ZC3H3: variants seen among roughly 807,000 people sequenced by gnomAD.
ZC3H3 encodes zinc finger CCCH-type containing 3.
Under a neutral mutation model 77.3 loss-of-function variants are expected in ZC3H3, and 36 were observed. The ratio of observed to expected loss-of-function variants is 0.47; its 90% CI spans 0.36 to 0.61. The LOEUF is 0.61. Ranked by LOEUF, ZC3H3 falls within the 20% of genes least tolerant of loss-of-function variation. The probability of loss-of-function intolerance (pLI) is 0.00; values close to 1 mark genes in which losing one functional copy is unlikely to be tolerated. For missense variants in ZC3H3, 1,331 were observed against 1,312.2 expected (o/e 1.01, Z -0.22); for synonymous variants, 626 against 555.2 (o/e 1.13, Z -1.79).
chr8:143,440,605 G>A (rs1040231509), intron 10 of ZC3H3, among the ~76,000 whole-genome samples: 2 of 152,160 alleles, frequency 1.3e-5, no homozygotes, highest in Admixed American at 1.3e-4. Context: ...TCTCCATGGG[G>A]CTCCACACCC....
chr8:143,538,752 C>G lies in ZC3H3; in HGVS notation c.615G>C (p.Val205=). Residue 205 remains valine, a synonymous_variant, in exon 2 of 12, where the codon GTG becomes GTC. Coordinates refer to ENST00000262577, the MANE Select transcript of ZC3H3 (RefSeq NM_015117.3). ...CCCGGGGGCTGTCGCCCACACTGCCCACTGACTTCACCATCCTGGGCTTAC... is the reference window on the plus strand; with the variant it reads ...CCCGGGGGCTGTCGCCCACACTGCCGACTGACTTCACCATCCTGGGCTTAC... ...EPGKPRMVKS[V]GSVGDSPREP... 2.5e-6 allele frequency: 4 copies of G among 1,611,244 alleles called. No homozygotes were observed. Among genetic ancestry groups the G allele is most frequent in the Non-Finnish European group, 3.4e-6 (4 of 1,179,834 alleles).
chr8:143,507,389 C>T (rs543055394), intron 4 of ZC3H3, among the ~76,000 whole-genome samples: 1 of 152,230 alleles, frequency 6.6e-6, no homozygotes, highest in South Asian at 2.1e-4. Flanking sequence ...AGCTTCTCCC[C>T]GAGAGATGCT....
At chr8:143,535,146 C>T (rs1441307870) in intron 3 of ZC3H3, among the ~76,000 whole-genome samples, 2 of 152,080 alleles carry the variant, frequency 1.3e-5, no homozygotes, top group South Asian at 2.1e-4. Flanking sequence ...TCAAGCAATT[C>T]TCCTCCCTCA....
At chr8:143,509,802 T>C (rs1212044373) in intron 3 of ZC3H3, among the ~76,000 whole-genome samples, 2 of 152,098 alleles carry the variant, frequency 1.3e-5, no homozygotes, top group Non-Finnish European at 1.5e-5. Context: ...CATCAACCTC[T>C]TTCCCCAAAT....
chr8:143,480,095 G>A (rs1042892097), intron 4 of ZC3H3, among the ~76,000 whole-genome samples: 19 of 152,234 alleles, frequency 1.2e-4, no homozygotes, highest in African/African-American at 4.3e-4. Context: ...GGTAGCAACA[G>A]TGGGGGCCGG....
chr8:143,467,241 T>TGGCTGTCAGAGCGG (rs1448316137), intron 8 of ZC3H3, among the ~76,000 whole-genome samples: 2 of 152,168 alleles, frequency 1.3e-5, no homozygotes, highest in Admixed American at 6.5e-5. Context: ...GAGCTCCTCT[T>TGGCTGTCAGAGCGG]GGCTGTCAGA....
At chr8:143,446,052 C>T (rs1373844683) in intron 9 of ZC3H3, among the ~76,000 whole-genome samples, 2 of 152,150 alleles carry the variant, frequency 1.3e-5, no homozygotes, top group East Asian at 1.9e-4. Flanking sequence ...CCCGCATCCA[C>T]GCAGACCTCA....
intron 3 of ZC3H3, among the ~76,000 whole-genome samples, chr8:143,519,440 T>C (rs572366832): frequency 2.6e-5 from 4 of 152,268 alleles, no homozygotes; most frequent in Admixed American, 1.3e-4. Flanking sequence ...GATGAGCTCA[T>C]GTGTCTTGAA....
intron 4 of ZC3H3, among the ~76,000 whole-genome samples, chr8:143,476,584 G>T (rs532837012): frequency 1.5e-4 from 23 of 152,268 alleles, no homozygotes; most frequent in South Asian, 6.2e-4. Flanking sequence ...GGGGCTCAGG[G>T]CCTGGCAAAT....
intron 4 of ZC3H3, among the ~76,000 whole-genome samples, chr8:143,506,139 C>G (rs1213428043): frequency 2.0e-5 from 3 of 152,240 alleles, no homozygotes; most frequent in African/African-American, 7.2e-5. Context: ...CTGGGCAGGC[C>G]CAGCTACAGG....
intron 8 of ZC3H3, among the ~76,000 whole-genome samples, chr8:143,467,828 C>G (rs1371441812): frequency 6.6e-6 from 1 of 151,998 alleles, no homozygotes; most frequent in Non-Finnish European, 1.5e-5. Flanking sequence ...ACAGCTTCCC[C>G]CCTCCTGCCA....
chr8:143,508,414 G>A lies in ZC3H3; in HGVS notation c.1562-515C>T, dbSNP rs117707603. Among the ~76,000 whole-genome samples, 1,485 of 152,308 alleles carry A rather than the reference G, an allele frequency of 9.7e-3. 12 individuals carry two copies. The highest frequency in any genetic ancestry group is 0.017 in the Admixed American group (263 of 15,308). On this transcript the variant is annotated intron_variant, in intron 3 of 11. Transcript: ENST00000262577. Reference sequence around the variant, plus strand: ...CCTCCTCAAGCGGCACCTCCTCACCGCTGTGCCCAGACAGACTTATGTACT... The same window carrying A: ...CCTCCTCAAGCGGCACCTCCTCACCACTGTGCCCAGACAGACTTATGTACT...
intron 2 of ZC3H3, among the ~76,000 whole-genome samples, chr8:143,536,835 C>T (rs1255177699): frequency 6.6e-6 from 1 of 152,186 alleles, no homozygotes; most frequent in Admixed American, 6.5e-5. Flanking sequence ...CGGCCACCGG[C>T]CCCAAGTGGC....
rs778725276 is a variant in ZC3H3 at position 143,447,017 on chromosome 8, G to A, written c.2308-5897C>T. On this transcript the variant is annotated intron_variant, in intron 9 of 11. Transcript: ENST00000262577. ...GGAGACTCTTCCGGCCTGTGCTTGCGGAGCTGACATGAAGGGCACAGGGAC... is the reference window on the plus strand; with the variant it reads ...GGAGACTCTTCCGGCCTGTGCTTGCAGAGCTGACATGAAGGGCACAGGGAC... Among the ~76,000 whole-genome samples the A allele has an allele frequency of 3.2e-4, 49 of 152,368 alleles. 1 individual carries two copies. Among genetic ancestry groups the A allele is most frequent in the East Asian group, 1.9e-4 (1 of 5,186 alleles).
chr8:143,468,982 G>C (rs1390077646), intron 5 of ZC3H3, among the ~76,000 whole-genome samples: 2 of 152,176 alleles, frequency 1.3e-5, no homozygotes, highest in Non-Finnish European at 2.9e-5. Flanking sequence ...GGAGGGCTTG[G>C]CCACGTGGGC....
intron 9 of ZC3H3, among the ~76,000 whole-genome samples, chr8:143,452,216 G>A (rs1389297749): frequency 6.6e-6 from 1 of 152,220 alleles, no homozygotes; most frequent in African/African-American, 2.4e-5. Flanking sequence ...GTGGTGAAAA[G>A]CCAGGACATT....
At chr8:143,457,890 A>G (rs1326896553) in intron 9 of ZC3H3, among the ~76,000 whole-genome samples, 1 of 152,154 alleles carries the variant, frequency 6.6e-6, no homozygotes, top group Non-Finnish European at 1.5e-5. Context: ...TATTCAAATT[A>G]TTCAAATCAA....
intron 4 of ZC3H3, among the ~76,000 whole-genome samples, chr8:143,507,268 C>T (rs1317286858): frequency 6.6e-6 from 1 of 152,158 alleles, no homozygotes; most frequent in Non-Finnish European, 1.5e-5. Context: ...GGGGCCAGAA[C>T]ACGGACAGGC....
chr8:143,498,049 G>C (rs1009606852), intron 4 of ZC3H3, among the ~76,000 whole-genome samples: 1 of 152,234 alleles, frequency 6.6e-6, no homozygotes, highest in Non-Finnish European at 1.5e-5. Context: ...AACACACACC[G>C]GGTGAGCGAA....
Sources: allele counts gnomAD v4.1 joint callset (sites outside exome capture counted in the v4.1 genomes callset), GRCh38; gene constraint gnomAD v4.1.1; transcripts MANE v1.5; gene names NCBI Gene and HGNC (gene_info 2026-07-23, HGNC 2026-07-21).